The following CPNE1 variants were observed in gnomAD, a reference collection of about 807,000 sequenced individuals.
CPNE1 encodes copine-1.
A neutral mutation model predicts 63.2 loss-of-function variants in CPNE1; 58 were observed. That is an observed-to-expected ratio of 0.92 (90% CI 0.74 to 1.14). CPNE1 has a LOEUF of 1.14. Ranked by LOEUF, CPNE1 falls within the 50% of genes most tolerant of loss-of-function variation. CPNE1 has a pLI of 0.00. For missense variants in CPNE1, 672 were observed against 661.7 expected (o/e 1.02, Z -0.17); for synonymous variants, 237 against 249.0 (o/e 0.95, Z 0.45).
At chr20:35,633,185 G>A (rs1368037578) in intron 1 of CPNE1, among the ~76,000 whole-genome samples, 8 of 152,178 alleles carry the variant, frequency 5.3e-5, no homozygotes, top group African/African-American at 1.9e-4. Context: ...ATCTACAACT[G>A]TGACCCCAAA....
chr20:35,636,632 A>G (rs2032501206), intron 1 of CPNE1, among the ~76,000 whole-genome samples: 1 of 152,160 alleles, frequency 6.6e-6, no homozygotes, highest in South Asian at 2.1e-4. Flanking sequence ...CCCAGTCTCT[A>G]CCAAAAATAC....
intron 14 of CPNE1, 111 bp from the exon 15 acceptor site, chr20:35,626,914 G>A (rs1386235515): frequency 1.8e-5 from 16 of 907,192 alleles, no homozygotes; most frequent in Non-Finnish European, 2.9e-5. Context: ...CAGGCCGGGT[G>A]CGATGGCTCA....
chr20:35,629,694 C>G (rs944985839), intron 13 of CPNE1, among the ~76,000 whole-genome samples: 1 of 151,376 alleles, frequency 6.6e-6, no homozygotes, highest in Non-Finnish European at 1.5e-5. Flanking sequence ...ACTCTATCAC[C>G]CAGGCTGGAG....
intron 1 of CPNE1, chr20:35,648,929 G>C (rs1383692902): frequency 1.3e-5 from 2 of 152,646 alleles, no homozygotes; most frequent in Non-Finnish European, 2.9e-5. Flanking sequence ...CTTTTGTGCA[G>C]TTAAAGCATT....
At chr20:35,658,802 AACACACACACACACACACACACAC>A (rs10542710) in intron 1 of CPNE1, 1 of 472,632 alleles carries the variant, frequency 2.1e-6, no homozygotes, top group African/African-American at 2.1e-5. Context: ...AGCAAACAAA[AACACACACACACACACACACACAC>A]ACACACACAC....
intron 1 of CPNE1, chr20:35,653,047 T>C (rs1288265073): frequency 1.9e-6 from 3 of 1,613,882 alleles, no homozygotes; most frequent in South Asian, 1.1e-5. Context: ...CAAACCACTG[T>C]TTCCAACTGA....
Position 35,630,732 on chromosome 20 carries a change from G to A in CPNE1, c.1050+9C>T. On this transcript the variant is annotated intron_variant, in intron 12 of 15. Coordinates refer to ENST00000397443, the MANE Select transcript of CPNE1 (RefSeq NM_152925.3). ...GAAAACAGGAGTGGCAGAAAGAGAG[G>A]GAGCTCACCTGCCAGTCAGGGGGAA... 6.2e-7 allele frequency: 1 copy of A among 1,613,582 alleles called. No individual in the cohort carries two copies. The highest frequency in any genetic ancestry group is 1.7e-5 in the Admixed American group (1 of 60,004).
At chr20:35,634,044 G>A (rs2032335955) in intron 1 of CPNE1, among the ~76,000 whole-genome samples, 1 of 150,738 alleles carries the variant, frequency 6.6e-6, no homozygotes, top group Non-Finnish European at 1.5e-5. Context: ...GGTGGATCAC[G>A]AGGTCAGGAG....
At chr20:35,642,757 T>C (rs770572442) in intron 1 of CPNE1, among the ~76,000 whole-genome samples, 1 of 152,228 alleles carries the variant, frequency 6.6e-6, no homozygotes, top group East Asian at 1.9e-4. Context: ...TATTCATACA[T>C]ATGACTAAGG....
intron 12 of CPNE1, 90 bp downstream of exon 12, chr20:35,630,651 G>A: frequency 6.6e-7 from 1 of 1,520,082 alleles, no homozygotes; most frequent in Non-Finnish European, 9.1e-7. Flanking sequence ...TCTTAAAGCT[G>A]AGTGCCAAGT....
chr20:35,660,048 TAAAGGAC>T, intron 1 of CPNE1, among the ~76,000 whole-genome samples: 1 of 152,226 alleles, frequency 6.6e-6, no homozygotes, highest in East Asian at 1.9e-4. Flanking sequence ...TGTGATTTTC[TAAAGGAC>T]AAACTATTCA....
At chr20:35,641,194 A>G (rs555637787) in intron 1 of CPNE1, among the ~76,000 whole-genome samples, 5 of 152,346 alleles carry the variant, frequency 3.3e-5, no homozygotes, top group Non-Finnish European at 7.3e-5. Context: ...CATCTAATTC[A>G]AGTCCCTCAA....
intron 13 of CPNE1, among the ~76,000 whole-genome samples, chr20:35,629,496 C>T (rs565431108): frequency 3.9e-5 from 6 of 152,038 alleles, no homozygotes; most frequent in South Asian, 2.1e-4. Context: ...AAGATAATAA[C>T]GATAATATAA....
At chr20:35,659,153 A>G (rs2034087661) in intron 1 of CPNE1, 1 of 462,920 alleles carries the variant, frequency 2.2e-6, no homozygotes, top group Non-Finnish European at 3.9e-6. Flanking sequence ...AAAAAAAAAA[A>G]AAGAAAGACA....
chr20:35,639,668 T>TC (rs1040683497), intron 1 of CPNE1, among the ~76,000 whole-genome samples: 1 of 152,148 alleles, frequency 6.6e-6, no homozygotes, highest in African/African-American at 2.4e-5. Context: ...CTACAGGTCC[T>TC]CCCCCTGGTA....
At chr20:35,633,489 C>T (rs1335930965) in intron 1 of CPNE1, among the ~76,000 whole-genome samples, 1 of 152,212 alleles carries the variant, frequency 6.6e-6, no homozygotes, top group Admixed American at 6.5e-5. Context: ...TGTTCAACTC[C>T]TCACTATTTC....
In CPNE1 at chr20:35,627,355, G is replaced by A. The variant is rs991658041; in HGVS notation, c.1161C>T (p.Gly387=). ...RQALPQVRLY[G]PTNFAPIINH... Reference sequence around the variant, plus strand: ...TGATGATGGGTGCAAAGTTGGTAGGGCCATAGAGGCGAACTTGGGGCAGGG... The same window carrying A: ...TGATGATGGGTGCAAAGTTGGTAGGACCATAGAGGCGAACTTGGGGCAGGG... The change falls in exon 14 of 16, where the codon GGC becomes GGT. Residue 387 remains glycine (G), a synonymous_variant. Coordinates refer to ENST00000397443, the MANE Select transcript of CPNE1 (RefSeq NM_152925.3). The A allele has an allele frequency of 1.2e-6, 2 of 1,614,018 alleles. No individual in the cohort carries two copies. The highest frequency in any genetic ancestry group is 2.7e-5 in the African/African-American group (2 of 74,912).
chr20:35,627,570 GA>G, intron 13 of CPNE1, 157 bp from the exon 14 acceptor site: 1 of 656,170 alleles, frequency 1.5e-6, no homozygotes, highest in Non-Finnish European at 2.4e-6. Flanking sequence ...TCCTACACAT[GA>G]GGAAACTAAG....
rs2032192959 is a variant in CPNE1 at position 35,632,154 on chromosome 20, C to G, written c.456+9G>C. On this transcript the variant is annotated intron_variant, in intron 5 of 15. Coordinates refer to ENST00000397443, the MANE Select transcript of CPNE1 (RefSeq NM_152925.3). ...CTCTTGGATTACCAGGGCCTACTTC[C>G]AGACACACCTTCTTATCTAGGTTTC... 1 of 1,613,776 alleles carries G rather than the reference C, an allele frequency of 6.2e-7. No individual in the cohort carries two copies. Among genetic ancestry groups the G allele is most frequent in the South Asian group, 1.1e-5 (1 of 91,088 alleles).
Sources: gnomAD v4.1 joint callset for allele counts (sites outside exome capture counted in the v4.1 genomes callset) on GRCh38, gnomAD v4.1.1 for gene constraint, MANE v1.5 for transcripts, NCBI Gene and HGNC (gene_info 2026-07-23, HGNC 2026-07-21) for gene names.